SKAP2: variants seen among roughly 807,000 people sequenced by gnomAD.
SKAP2 encodes the protein src kinase associated phosphoprotein 2.
Under a neutral mutation model 54.9 loss-of-function variants are expected in SKAP2, and 28 were observed. That is an observed-to-expected ratio of 0.51 (90% confidence interval 0.38 to 0.70). The LOEUF (loss-of-function observed/expected upper bound fraction) is 0.70. SKAP2 is among the 30% of genes least tolerant of loss of function. SKAP2 has a pLI of 0.00. For missense variants in SKAP2, 356 were observed against 424.1 expected (o/e 0.84, Z 1.41); for synonymous variants, 137 against 134.3 (o/e 1.02, Z -0.14).
chr7:26,743,899 A>C (rs754444616), intron 4 of SKAP2, among the ~76,000 whole-genome samples: 3 of 152,184 alleles, frequency 2.0e-5, no homozygotes, highest in Non-Finnish European at 4.4e-5. Context: ...ATTTCCCTAT[A>C]GTTAGGTTGA....
At chr7:26,680,964 C>G (rs1786477956) in intron 11 of SKAP2, among the ~76,000 whole-genome samples, 1 of 152,042 alleles carries the variant, frequency 6.6e-6, no homozygotes, top group South Asian at 2.1e-4. Flanking sequence ...GTATAACTTT[C>G]AAAAGAGGCC....
At chr7:26,784,214 C>CA (rs1450567628) in intron 4 of SKAP2, among the ~76,000 whole-genome samples, 1 of 152,044 alleles carries the variant, frequency 6.6e-6, no homozygotes, top group African/African-American at 2.4e-5. Context: ...AGCTGGTATA[C>CA]AAACCTTTAC....
At chr7:26,810,576 T>C (rs73067435) in intron 4 of SKAP2, among the ~76,000 whole-genome samples, 32,235 of 152,108 alleles carry the variant, frequency 0.21, 3,504 homozygotes, top group Non-Finnish European at 0.24. Context: ...CACAAAAATA[T>C]AAGTACATGA....
rs767963019 is a variant in SKAP2, at chr7:26,725,907, G to A, written c.658+16C>T. ...ATTTAAAGACTGTGATAACTTGTTC[G>A]ATTGATTTATCTTACCTTGCAATAC... On this transcript the variant is annotated intron_variant, in intron 8 of 12. Transcript: ENST00000345317. The A allele has an allele frequency of 2.0e-5, 32 of 1,591,528 alleles. No homozygotes were observed. Among genetic ancestry groups the A allele is most frequent in the Non-Finnish European group, 2.5e-5 (29 of 1,161,826 alleles).
At chr7:26,854,038 T>C in intron 3 of SKAP2, 99 bp downstream of exon 3, 1 of 780,666 alleles carries the variant, frequency 1.3e-6, no homozygotes, top group East Asian at 2.8e-5. Flanking sequence ...AATCTAAATT[T>C]TAATTCCAAC....
chr7:26,765,270 T>C (rs1783026579), intron 4 of SKAP2, among the ~76,000 whole-genome samples: 1 of 152,194 alleles, frequency 6.6e-6, no homozygotes, highest in South Asian at 2.1e-4. Context: ...TGGCCACATA[T>C]ATGTCTTCTT....
chr7:26,707,130 C>G (rs1787178632), intron 9 of SKAP2, among the ~76,000 whole-genome samples: 1 of 152,088 alleles, frequency 6.6e-6, no homozygotes, highest in Non-Finnish European at 1.5e-5. Context: ...GAGGCCAAGG[C>G]AGGTGGATTG....
intron 4 of SKAP2, among the ~76,000 whole-genome samples, chr7:26,780,209 TTA>T (rs1307640566): frequency 6.6e-6 from 1 of 152,008 alleles, no homozygotes; most frequent in Non-Finnish European, 1.5e-5. Context: ...ATTAAATGAG[TTA>T]ATGTGTGAAA....
intron 4 of SKAP2, among the ~76,000 whole-genome samples, chr7:26,770,671 T>C (rs10241952): frequency 0.38 from 57,906 of 152,068 alleles, 11,606 homozygotes; most frequent in Middle Eastern, 0.48. Flanking sequence ...CCATTCCTCA[T>C]GGCACAGTCC....
At chr7:26,673,895 A>G (rs772449061) in intron 11 of SKAP2, among the ~76,000 whole-genome samples, 5 of 152,122 alleles carry the variant, frequency 3.3e-5, no homozygotes, top group African/African-American at 7.2e-5. Flanking sequence ...ATCCAACATA[A>G]TAGTAATATT....
Position 26,670,077 on chromosome 7 carries a change from TAA to T in SKAP2, c.*9+12_*9+13del. 1 of 1,047,730 alleles carries T rather than the reference TAA, an allele frequency of 9.5e-7. No individual in the cohort carries two copies. The highest frequency in any genetic ancestry group is 1.5e-6 in the Non-Finnish European group (1 of 663,742). 64.9% of individuals were successfully genotyped at this position (1,047,730 alleles called of 1,614,324 possible). On this transcript the variant is annotated intron_variant, in intron 12 of 12. Transcript: ENST00000345317. ...TATGAGCTATTACAGAATATTGGAT[TAA>T]AATGTACTTACCCAGGACTCTCAAA...
chr7:26,696,958 G>A (rs1479873149), intron 9 of SKAP2, among the ~76,000 whole-genome samples: 4 of 152,000 alleles, frequency 2.6e-5, no homozygotes, highest in Non-Finnish European at 5.9e-5. Context: ...ATCAGAAAAT[G>A]TGAAAATAAT....
At position 26,835,417 on chromosome 7, in the gene SKAP2, G is replaced by T. The variant is rs527517909; in HGVS notation, c.307+8613C>A. ...GAGGGAGACAAATTGTCTGTTTGCA[G>T]ATGACATGATTGTATATTTAGAAAA... On this transcript the variant is annotated intron_variant, in intron 4 of 12. Transcript: ENST00000345317. 2.6e-5 allele frequency among the ~76,000 whole-genome samples: 4 copies of T among 152,270 alleles called. No homozygotes were observed. The South Asian group carries it at 8.3e-4, about 32-fold the overall frequency.
At chr7:26,787,172 C>T (rs755474812) in intron 4 of SKAP2, among the ~76,000 whole-genome samples, 97 of 152,148 alleles carry the variant, frequency 6.4e-4, no homozygotes, top group Non-Finnish European at 1.0e-3. Flanking sequence ...TGACTTTTAA[C>T]CACCAGTATT....
chr7:26,823,445 A>C (rs1284417844), intron 4 of SKAP2, among the ~76,000 whole-genome samples: 1 of 149,420 alleles, frequency 6.7e-6, no homozygotes, highest in African/African-American at 2.5e-5. Flanking sequence ...AAAAAAAAAA[A>C]CAAGCAAAAA....
chr7:26,748,016 A>G (rs531985806), intron 4 of SKAP2, among the ~76,000 whole-genome samples: 1 of 152,318 alleles, frequency 6.6e-6, no homozygotes, highest in South Asian at 2.1e-4. Flanking sequence ...TGTGAATTAT[A>G]TGACACGGAG....
chr7:26,737,326 G>A (rs78217856), intron 6 of SKAP2, among the ~76,000 whole-genome samples: 155 of 152,324 alleles, frequency 1.0e-3, no homozygotes, highest in African/African-American at 3.7e-3. Flanking sequence ...GCAGAAGAAA[G>A]ATGCTTGTTT....
At chr7:26,687,190 C>T (rs1172439926) in intron 10 of SKAP2, among the ~76,000 whole-genome samples, 1 of 149,844 alleles carries the variant, frequency 6.7e-6, no homozygotes. Context: ...CCCATTAACA[C>T]TAATGGGAGT....
chr7:26,714,281 T>G (rs1453638113), intron 9 of SKAP2, among the ~76,000 whole-genome samples: 1 of 152,140 alleles, frequency 6.6e-6, no homozygotes, highest in East Asian at 1.9e-4. Flanking sequence ...ACCTTGCAAC[T>G]GAATGTCCTT....
Sources: allele counts gnomAD v4.1 joint callset (sites outside exome capture counted in the v4.1 genomes callset), GRCh38; gene constraint gnomAD v4.1.1; transcripts MANE v1.5; gene names NCBI Gene and HGNC (gene_info 2026-07-23, HGNC 2026-07-21).